Variants in METTL16 observed in about 807,000 individuals in gnomAD.
The protein encoded by METTL16 is methyltransferase 16, RNA N6-adenosine.
A neutral mutation model predicts 57.9 loss-of-function variants in METTL16; 19 were observed. The observed-to-expected ratio is 0.33, with a 90% CI of 0.23 to 0.48. The LOEUF (loss-of-function observed/expected upper bound fraction) is 0.48. Among genes scored for constraint, METTL16 ranks in the 20% least tolerant of loss-of-function variants. The pLI, the probability that METTL16 is intolerant of heterozygous loss-of-function variation, is 0.99. For synonymous variants in METTL16, 246 were observed against 255.6 expected, an observed-to-expected ratio of 0.96 and a Z score of 0.36; for missense variants, 434 against 691.5, an observed-to-expected ratio of 0.63 and a Z score of 4.18.
intron 2 of METTL16, among the ~76,000 whole-genome samples, chr17:2,492,916 A>AC (rs1555621090): frequency 6.9e-6 from 1 of 144,646 alleles, no homozygotes; most frequent in African/African-American, 2.5e-5. Context: ...AAAAAAAAAA[A>AC]CAACAAAAAA....
intron 8 of METTL16, among the ~76,000 whole-genome samples, chr17:2,430,391 C>G (rs1238792991): frequency 6.7e-6 from 1 of 148,562 alleles, no homozygotes; most frequent in Non-Finnish European, 1.5e-5. Context: ...CTGTTCTATT[C>G]AGATATATTT....
chr17:2,432,725 G>GTAGC (rs1212185978), intron 8 of METTL16, among the ~76,000 whole-genome samples: 1 of 152,192 alleles, frequency 6.6e-6, no homozygotes, highest in East Asian at 1.9e-4. Flanking sequence ...TTAGAGAGCT[G>GTAGC]TAGCTCAACA....
chr17:2,498,610 G>A (rs1008239462), intron 2 of METTL16, among the ~76,000 whole-genome samples: 2 of 151,072 alleles, frequency 1.3e-5, no homozygotes, highest in African/African-American at 4.9e-5. Context: ...GTGGTGGTGC[G>A]AGCCTGTAAT....
chr17:2,420,678 GAA>G lies in METTL16; in HGVS notation c.1062+51_1062+52del. 1.3e-6 allele frequency: 2 copies of G among 1,560,676 alleles called. No individual in the cohort carries two copies. Among genetic ancestry groups the G allele is most frequent in the Non-Finnish European group, 1.7e-6 (2 of 1,159,590 alleles). On this transcript the variant is annotated intron_variant, in intron 9 of 9. Transcript: ENST00000263092. The surrounding 1 kb of genome is among the most constrained non-coding windows in gnomAD (Gnocchi z 5.4). ...TCTCAATAAAAAAAAAAAGAAAAAA[GAA>G]AAAAGAGAAGGATCATTATGAGTAC...
In METTL16 at chr17:2,448,802, TAA is replaced by T. The variant is rs71150866; in HGVS notation, c.729-7245_729-7244del. On this transcript the variant is annotated intron_variant, in intron 6 of 9. Transcript: ENST00000263092. Reference sequence around the variant, plus strand: ...AAAATAAAAAAATAAAAATAAAATTTAAAAAAAAAAAAAAAAAAAAAAAAGAG... The same window carrying T: ...AAAATAAAAAAATAAAAATAAAATTTAAAAAAAAAAAAAAAAAAAAAAGAG... Among the ~76,000 whole-genome samples, 13 of 43,622 alleles carry T rather than the reference TAA, an allele frequency of 3.0e-4. No individual in the cohort carries two copies. In the East Asian group the frequency reaches 3.2e-3, roughly 11 times the overall value. The allele number at this position is 43,622 out of a possible 152,430, so 28.6% of individuals were successfully genotyped here.
intron 1 of METTL16, among the ~76,000 whole-genome samples, chr17:2,510,041 C>A (rs1207933134): frequency 6.6e-6 from 1 of 151,244 alleles, no homozygotes; most frequent in Non-Finnish European, 1.5e-5. Flanking sequence ...CGTGCTACTG[C>A]ACTCCAGCCT....
At chr17:2,468,117 G>A (rs1415764726) in intron 4 of METTL16, among the ~76,000 whole-genome samples, 1 of 152,198 alleles carries the variant, frequency 6.6e-6, no homozygotes, top group African/African-American at 2.4e-5. Context: ...TATAGCCTAG[G>A]AGCCACAGGC....
At chr17:2,464,951 T>A (rs149588886) in intron 5 of METTL16, among the ~76,000 whole-genome samples, 17 of 152,274 alleles carry the variant, frequency 1.1e-4, no homozygotes, top group African/African-American at 3.4e-4. Context: ...ATTAAAAACT[T>A]CTGAGCTGCA....
chr17:2,504,060 C>G (rs768026149), intron 1 of METTL16, among the ~76,000 whole-genome samples: 13 of 152,110 alleles, frequency 8.5e-5, no homozygotes, highest in Non-Finnish European at 1.8e-4. Flanking sequence ...AATTCTGATA[C>G]ATGCTACAAC....
rs925990137 is a variant in METTL16, at chr17:2,416,515, C to G, written c.*3455G>C. 1 of 152,198 alleles carries G rather than the reference C, an allele frequency of 6.6e-6. No homozygotes were observed. The highest frequency in any genetic ancestry group is 1.5e-5 in the Non-Finnish European group (1 of 68,046). The allele number at this position is 152,198 out of a possible 1,614,324, so 9.4% of individuals were successfully genotyped here. ...GAGTTGAAAGGGTACTGCCAAAACG[C>G]GGCCCTGCCCAGGACACACAGCAGA... On this transcript the variant is annotated 3_prime_UTR_variant, in exon 10 of 10. Transcript: ENST00000263092.
chr17:2,491,842 T>C (rs1212427777), intron 2 of METTL16, among the ~76,000 whole-genome samples: 1 of 123,626 alleles, frequency 8.1e-6, no homozygotes, highest in African/African-American at 3.4e-5. Flanking sequence ...GCCACTGCAC[T>C]CCAGCCTGGG....
At chr17:2,424,178 A>G (rs1163767280) in intron 8 of METTL16, 2 of 147,482 alleles carry the variant, frequency 1.4e-5, no homozygotes, top group African/African-American at 5.0e-5. Context: ...CAGTGGCGGG[A>G]TCTCGGCTCA....
At chr17:2,469,413 C>G (rs1000564572) in intron 4 of METTL16, among the ~76,000 whole-genome samples, 4 of 152,088 alleles carry the variant, frequency 2.6e-5, no homozygotes, top group Non-Finnish European at 5.9e-5. Context: ...GACATAAAAT[C>G]TCTTTAACGG....
intron 8 of METTL16, among the ~76,000 whole-genome samples, chr17:2,432,535 T>G (rs558535748): frequency 6.6e-6 from 1 of 152,012 alleles, no homozygotes; most frequent in South Asian, 2.1e-4. Context: ...CGCCAATACA[T>G]TCCAGCCTTG....
chr17:2,509,866 T>C (rs541811760), intron 1 of METTL16, among the ~76,000 whole-genome samples: 1 of 149,552 alleles, frequency 6.7e-6, no homozygotes, highest in South Asian at 2.1e-4. Context: ...TGAGCCAAGA[T>C]CACGCCACTG....
chr17:2,446,332 A>C (rs965566744), intron 6 of METTL16, among the ~76,000 whole-genome samples: 1 of 152,226 alleles, frequency 6.6e-6, no homozygotes, highest in African/African-American at 2.4e-5. Context: ...TAAAATGCAT[A>C]CAAACTGAAA....
At chr17:2,426,678 G>A (rs1474199192) in intron 8 of METTL16, among the ~76,000 whole-genome samples, 12 of 134,004 alleles carry the variant, frequency 9.0e-5, no homozygotes, top group Admixed American at 8.7e-5. Context: ...GCAGTGAGCC[G>A]AGATCACGCC....
rs530914790 is a variant in METTL16 at position 2,434,560 on chromosome 17, A to G, written c.888+3549T>C. ...ACACTTTCAACAAATAAATCAACAC[A>G]TAATAATGATAAAAGCAGATGAGCT... On this transcript the variant is annotated intron_variant, in intron 8 of 9. Coordinates refer to ENST00000263092, the MANE Select transcript of METTL16 (RefSeq NM_024086.4). 2.6e-5 allele frequency among the ~76,000 whole-genome samples: 4 copies of G among 152,322 alleles called. No homozygotes were observed. The East Asian group carries it at 5.8e-4, about 22-fold the overall frequency.
chr17:2,490,808 T>C (rs150829868), intron 2 of METTL16, among the ~76,000 whole-genome samples: 2 of 152,298 alleles, frequency 1.3e-5, no homozygotes, highest in African/African-American at 4.8e-5. Context: ...TCAAAGAAAG[T>C]TGTTGCTTAC....
Sources: allele counts gnomAD v4.1 joint callset (sites outside exome capture counted in the v4.1 genomes callset), GRCh38; gene constraint gnomAD v4.1.1; non-coding constraint Gnocchi (gnomAD v3.1); transcripts MANE v1.5; gene names NCBI Gene and HGNC (gene_info 2026-07-23, HGNC 2026-07-21).